Variants in FHIT observed in about 807,000 individuals in gnomAD.
The protein encoded by FHIT is bis(5'-adenosyl)-triphosphatase.
Under a neutral mutation model 17.9 loss-of-function variants are expected in FHIT, and 19 were observed. That is an observed-to-expected ratio of 1.06 (90% CI 0.74 to 1.56). The LOEUF is 1.56. Among genes scored for constraint, FHIT ranks in the 40% most tolerant of loss-of-function variants. The pLI is 0.00. For missense variants in FHIT, 248 were observed against 189.2 expected, an observed-to-expected ratio of 1.31 and a Z score of -1.82; for synonymous variants, 81 against 69.7, an observed-to-expected ratio of 1.16 and a Z score of -0.81.
chr3:61,098,363 A>G (rs1247428243), intron 2 of FHIT, among the ~76,000 whole-genome samples: 1 of 152,104 alleles, frequency 6.6e-6, no homozygotes, highest in Non-Finnish European at 1.5e-5. Context: ...CTCGTAGTAC[A>G]GTTTGAAATT....
intron 5 of FHIT, among the ~76,000 whole-genome samples, chr3:60,386,748 C>T (rs1466665733): frequency 6.6e-6 from 1 of 152,182 alleles, no homozygotes; most frequent in Non-Finnish European, 1.5e-5. Flanking sequence ...AGAAACCAAC[C>T]TACACTCTCA....
At chr3:59,820,329 C>G (rs1700743218) in intron 8 of FHIT, among the ~76,000 whole-genome samples, 1 of 152,172 alleles carries the variant, frequency 6.6e-6, no homozygotes, top group Non-Finnish European at 1.5e-5. Context: ...AGCTGTCAGA[C>G]CAGTGGGCAT....
At chr3:60,812,930 T>G (rs1015852479) in intron 4 of FHIT, among the ~76,000 whole-genome samples, 2 of 152,218 alleles carry the variant, frequency 1.3e-5, no homozygotes, top group African/African-American at 4.8e-5. Flanking sequence ...AGGAAACACT[T>G]TGAACTTATA....
chr3:60,582,352 G>A (rs2037775016), intron 4 of FHIT, among the ~76,000 whole-genome samples: 1 of 152,082 alleles, frequency 6.6e-6, no homozygotes. Flanking sequence ...TCAGAGAGCA[G>A]CAAAGACTTT....
At chr3:60,568,353 A>C (rs2594263) in intron 4 of FHIT, among the ~76,000 whole-genome samples, 1 of 152,144 alleles carries the variant, frequency 6.6e-6, no homozygotes, top group African/African-American at 2.4e-5. Context: ...AAACTATCAC[A>C]AGGACAAAAA....
At chr3:61,076,376 G>T (rs568180570) in intron 2 of FHIT, among the ~76,000 whole-genome samples, 4 of 152,118 alleles carry the variant, frequency 2.6e-5, no homozygotes, top group African/African-American at 9.7e-5. Context: ...AGCTATAAGG[G>T]CTGGTAAAAG....
intron 4 of FHIT, among the ~76,000 whole-genome samples, chr3:60,820,378 T>G (rs1701884433): frequency 6.6e-6 from 1 of 152,282 alleles, no homozygotes; most frequent in South Asian, 2.1e-4. Flanking sequence ...TAATTATATG[T>G]AAAGGCTCAT....
At chr3:60,390,732 A>G (rs1701196352) in intron 5 of FHIT, among the ~76,000 whole-genome samples, 1 of 151,932 alleles carries the variant, frequency 6.6e-6, no homozygotes, top group Admixed American at 6.6e-5. Flanking sequence ...CTTTAAAAAG[A>G]AAAAAAACAA....
At chr3:60,858,529 A>G (rs1211890197) in intron 3 of FHIT, among the ~76,000 whole-genome samples, 1 of 152,152 alleles carries the variant, frequency 6.6e-6, no homozygotes, top group African/African-American at 2.4e-5. Flanking sequence ...ACCCCTTCAT[A>G]TTGCTTTGTC....
intron 4 of FHIT, among the ~76,000 whole-genome samples, chr3:60,742,291 G>T (rs1446419591): frequency 3.3e-5 from 5 of 152,158 alleles, no homozygotes; most frequent in African/African-American, 1.2e-4. Context: ...CTCTATCAGA[G>T]AAAAATTTAG....
intron 8 of FHIT, among the ~76,000 whole-genome samples, chr3:59,778,070 C>T (rs1408943659): frequency 2.0e-5 from 3 of 152,172 alleles, no homozygotes; most frequent in Admixed American, 1.3e-4. Flanking sequence ...TTTTCTGTCT[C>T]TCCTACTAGA....
chr3:60,328,671 T>G (rs1458502520), intron 5 of FHIT, among the ~76,000 whole-genome samples: 2 of 152,128 alleles, frequency 1.3e-5, no homozygotes, highest in Non-Finnish European at 2.9e-5. Context: ...AGTACAGAAA[T>G]GAAAACTTCA....
chr3:59,980,556 A>G (rs906193085), intron 7 of FHIT, among the ~76,000 whole-genome samples: 22 of 152,152 alleles, frequency 1.4e-4, no homozygotes, highest in Admixed American at 1.2e-3. Context: ...GCTTCAAACT[A>G]GTGGAGCTCC....
At chr3:60,135,313 G>A (rs1699771533) in intron 5 of FHIT, among the ~76,000 whole-genome samples, 1 of 152,014 alleles carries the variant, frequency 6.6e-6, no homozygotes, top group Non-Finnish European at 1.5e-5. Flanking sequence ...ATAAATATAA[G>A]ATTATAGGCG....
intron 5 of FHIT, among the ~76,000 whole-genome samples, chr3:60,523,719 G>A (rs2035464028): frequency 6.6e-6 from 1 of 152,176 alleles, no homozygotes; most frequent in Non-Finnish European, 1.5e-5. Flanking sequence ...TCTCTCAGCT[G>A]AGGAAATAAC....
chr3:60,153,795 C>A (rs569164648), intron 5 of FHIT, among the ~76,000 whole-genome samples: 1 of 152,264 alleles, frequency 6.6e-6, no homozygotes, highest in South Asian at 2.1e-4. Context: ...TTGGTGGAAA[C>A]CCCCTTCCCC....
At chr3:60,247,445 TGAAGAA>T (rs752721286) in intron 5 of FHIT, among the ~76,000 whole-genome samples, 6 of 151,664 alleles carry the variant, frequency 4.0e-5, no homozygotes, top group African/African-American at 9.7e-5. Flanking sequence ...AAGATGAAGA[TGAAGAA>T]GAAGAAGAAA....
intron 3 of FHIT, among the ~76,000 whole-genome samples, chr3:60,884,272 A>C (rs1705112203): frequency 6.6e-6 from 1 of 152,200 alleles, no homozygotes; most frequent in Admixed American, 6.5e-5. Context: ...GTGGGAATAT[A>C]AATTAGTACA....
At chr3:59,848,411 T>C (rs1258078700) in intron 8 of FHIT, among the ~76,000 whole-genome samples, 1 of 152,116 alleles carries the variant, frequency 6.6e-6, no homozygotes, top group Non-Finnish European at 1.5e-5. Flanking sequence ...AATATACCTA[T>C]GTTTATAGGG....
Sources: allele counts gnomAD v4.1 joint callset (sites outside exome capture counted in the v4.1 genomes callset), GRCh38; gene constraint gnomAD v4.1.1; transcripts MANE v1.5; gene names NCBI Gene and HGNC (gene_info 2026-07-23, HGNC 2026-07-21).